The following ANXA13 variants were observed in gnomAD, a reference collection of about 807,000 sequenced individuals.
The protein encoded by ANXA13 is annexin A13.
ANXA13 carries 36 observed loss-of-function variants against 46.6 expected under a neutral mutation model. The observed-to-expected ratio is 0.77, with a 90% CI of 0.59 to 1.02. ANXA13 has a LOEUF of 1.02. Among genes scored for constraint, ANXA13 ranks in the 50% least tolerant of loss-of-function variants. ANXA13 has a pLI of 0.00. For missense variants in ANXA13, 417 were observed against 396.5 expected (o/e 1.05, Z -0.44); for synonymous variants, 163 against 152.9 (o/e 1.07, Z -0.49).
At chr8:123,708,762 G>A (rs937642562) in intron 2 of ANXA13, among the ~76,000 whole-genome samples, 5 of 152,120 alleles carry the variant, frequency 3.3e-5, no homozygotes, top group East Asian at 1.9e-4. Context: ...TCCTGGTGTC[G>A]GCAGGCCCAC....
intron 10 of ANXA13, among the ~76,000 whole-genome samples, chr8:123,681,827 T>C (rs187912839): frequency 4.8e-4 from 73 of 152,178 alleles, no homozygotes; most frequent in Non-Finnish European, 9.4e-4. Context: ...GGTTTCATCA[T>C]GTTGGCCAGA....
Position 123,690,723 on chromosome 8 carries a change from G to T in ANXA13, c.643-1777C>A, listed in dbSNP as rs1465070628. ...CTCTAAGACTCTAGTTAAACAGGCA[G>T]CAATGCCTGCAGGGAGGTTATTAGA... On this transcript the variant is annotated intron_variant, in intron 8 of 10. Transcript: ENST00000419625. This position sits in a 1 kb window ranked among gnomAD's most constrained non-coding sequence, Gnocchi z 4.6. Among the ~76,000 whole-genome samples, 3 of 152,186 alleles carry T rather than the reference G, an allele frequency of 2.0e-5. No individual in the cohort carries two copies. Among genetic ancestry groups the T allele is most frequent in the Non-Finnish European group, 4.4e-5 (3 of 68,042 alleles).
At chr8:123,720,637 A>G (rs1050973838) in intron 1 of ANXA13, among the ~76,000 whole-genome samples, 5 of 149,650 alleles carry the variant, frequency 3.3e-5, no homozygotes, top group African/African-American at 1.2e-4. Flanking sequence ...TTCATCAGCT[A>G]TGAACGTTTC....
chr8:123,726,867 T>A (rs1461780773), intron 1 of ANXA13, among the ~76,000 whole-genome samples: 1 of 152,234 alleles, frequency 6.6e-6, no homozygotes, highest in African/African-American at 2.4e-5. Context: ...AGACTACTAC[T>A]CATCCATAAA....
chr8:123,732,843 G>A (rs1230188308), intron 1 of ANXA13, among the ~76,000 whole-genome samples: 1 of 152,124 alleles, frequency 6.6e-6, no homozygotes, highest in Non-Finnish European at 1.5e-5. Flanking sequence ...CTACACTTTT[G>A]CAGTGGCATT....
chr8:123,696,561 C>G (rs76809239), intron 4 of ANXA13, among the ~76,000 whole-genome samples: 2 of 152,036 alleles, frequency 1.3e-5, no homozygotes, highest in East Asian at 1.9e-4. Flanking sequence ...CTCCCCCACC[C>G]CCCCCACCAC....
chr8:123,707,345 G>A (rs1813557488), intron 2 of ANXA13, among the ~76,000 whole-genome samples: 1 of 152,152 alleles, frequency 6.6e-6, no homozygotes, highest in African/African-American at 2.4e-5. Context: ...GCCACATGGA[G>A]TCCACAACTG....
chr8:123,712,515 T>G, intron 2 of ANXA13, 163 bp downstream of exon 2: 2 of 640,506 alleles, frequency 3.1e-6, no homozygotes, highest in Non-Finnish European at 5.6e-6. Context: ...CTACTGTAAT[T>G]TTGCGAACTT....
chr8:123,701,713 GGAGACTTGGATGT>G (rs745797670), intron 3 of ANXA13, among the ~76,000 whole-genome samples: 16 of 152,122 alleles, frequency 1.1e-4, no homozygotes, highest in Admixed American at 2.0e-4. Flanking sequence ...CTTGAAGTCA[GGAGACTTGGATGT>G]GAGACTTGGA....
Position 123,698,484 on chromosome 8 carries a change from T to A in ANXA13, c.262A>T (p.Ser88Cys). 6.2e-7 allele frequency: 1 copy of A among 1,614,242 alleles called. No individual in the cohort carries two copies. The highest frequency in any genetic ancestry group is 8.5e-7 in the Non-Finnish European group (1 of 1,180,036). Residue 88 changes from serine to cysteine, a missense_variant, in exon 4 of 11, where the codon AGC (serine) becomes TGC (cysteine). Physicochemically the swap from Ser to Cys is moderately radical, Grantham distance 112. Coordinates refer to ENST00000419625, the MANE Select transcript of ANXA13 (RefSeq NM_004306.4). ...KTALALLDRP[S>C]EYAARQLQKA... ...TGCAGCTGCCGGGCGGCGTACTCGC[T>A]GGGACGGTCCAGAAGGGCCAACGCT...
chr8:123,699,996 A>G (rs1813412534), intron 3 of ANXA13, among the ~76,000 whole-genome samples: 1 of 152,194 alleles, frequency 6.6e-6, no homozygotes, highest in South Asian at 2.1e-4. Context: ...GCTGAAAAAA[A>G]TTTTCTAAGA....
At position 123,681,141 on chromosome 8, in the gene ANXA13, T is replaced by C; in HGVS notation, c.*99A>G. 6.8e-7 allele frequency: 1 copy of C among 1,467,158 alleles called. No homozygotes were observed. Among genetic ancestry groups the C allele is most frequent in the Middle Eastern group, 2.5e-4 (1 of 4,008 alleles). The allele number at this position is 1,467,158 out of a possible 1,614,324, so 90.9% of individuals were successfully genotyped here. A position where few individuals can be genotyped will look rare whatever the true frequency, so the allele number is the denominator to read the frequency against. Reference sequence around the variant, plus strand: ...CTGCCAAGAAAGTAATCCGGGACTCTTAAGGGTTTTCGTGCGGGAGTCTCA... The same window carrying C: ...CTGCCAAGAAAGTAATCCGGGACTCCTAAGGGTTTTCGTGCGGGAGTCTCA... On this transcript the variant is annotated 3_prime_UTR_variant, in exon 11 of 11. Transcript: ENST00000419625.
intron 6 of ANXA13, among the ~76,000 whole-genome samples, chr8:123,694,972 G>A (rs953686030): frequency 1.3e-5 from 2 of 152,004 alleles, no homozygotes; most frequent in African/African-American, 2.4e-5. Flanking sequence ...GAATACAGAT[G>A]TGTCTGTCTA....
chr8:123,733,438 A>T (rs1477633580), intron 1 of ANXA13, among the ~76,000 whole-genome samples: 1 of 152,112 alleles, frequency 6.6e-6, no homozygotes, highest in African/African-American at 2.4e-5. Context: ...CCCACTTGTC[A>T]TGCAGCTTTC....
chr8:123,697,209 G>C lies in ANXA13; in HGVS notation c.357+1180C>G, dbSNP rs1303341337. ...ATTACAGGCGTGAACCACTGTACCT[G>C]GCCTGAAAAATATGATTAAAATTAA... On this transcript the variant is annotated intron_variant, in intron 4 of 10. Coordinates refer to ENST00000419625, the MANE Select transcript of ANXA13 (RefSeq NM_004306.4). Among the ~76,000 whole-genome samples, 3 of 152,160 alleles carry C rather than the reference G, an allele frequency of 2.0e-5. No individual in the cohort carries two copies. The East Asian group carries it at 5.8e-4, about 29-fold the overall frequency.
chr8:123,719,639 A>G (rs1314183404), intron 1 of ANXA13, among the ~76,000 whole-genome samples: 1 of 152,226 alleles, frequency 6.6e-6, no homozygotes, highest in Non-Finnish European at 1.5e-5. Flanking sequence ...GAGGGGAGGT[A>G]GAAGAAAGAC....
At chr8:123,704,132 A>G (rs1442923169) in intron 2 of ANXA13, among the ~76,000 whole-genome samples, 3 of 152,156 alleles carry the variant, frequency 2.0e-5, no homozygotes, top group Non-Finnish European at 4.4e-5. Flanking sequence ...AACCCGGGAC[A>G]CCAGGGGATG....
chr8:123,693,696 T>C lies in ANXA13; in HGVS notation c.540+15A>G, dbSNP rs530627306. 3 of 1,606,140 alleles carry C rather than the reference T, an allele frequency of 1.9e-6. No individual in the cohort carries two copies. Among genetic ancestry groups the C allele is most frequent in the African/African-American group, 2.7e-5 (2 of 74,698 alleles). On this transcript the variant is annotated intron_variant, in intron 7 of 10. Transcript: ENST00000419625. ...AAAAAAGAATTTGCAGAGACTGGCA[T>C]GTCTGCACACATACATCATACAGAT...
rs773592401 is a variant in ANXA13 at position 123,693,294 on chromosome 8, C to G, written c.545G>C (p.Gly182Ala). ...GQDAKDLYDA[G>A]EGRWGTDELA... ...CTCATCAGTGCCCCAGCGGCCTTCC[C>G]CTGCCTCAAGGGTCAAATACAAACA... Residue 182 changes from glycine (G) to alanine (A), a missense_variant, in exon 8 of 11, where the codon GGG (glycine) becomes GCG (alanine). Gly to Ala is a moderately conservative substitution (Grantham distance 60, BLOSUM62 0). Coordinates refer to ENST00000419625, the MANE Select transcript of ANXA13 (RefSeq NM_004306.4). 6.2e-7 allele frequency: 1 copy of G among 1,614,078 alleles called. No individual in the cohort carries two copies. Among genetic ancestry groups the G allele is most frequent in the Admixed American group, 1.7e-5 (1 of 59,998 alleles).
Sources: allele counts gnomAD v4.1 joint callset (sites outside exome capture counted in the v4.1 genomes callset), GRCh38; gene constraint gnomAD v4.1.1; non-coding constraint Gnocchi (gnomAD v3.1); transcripts MANE v1.5; gene names NCBI Gene and HGNC (gene_info 2026-07-23, HGNC 2026-07-21).